PTPRN2: variants seen among roughly 807,000 people sequenced by gnomAD.
PTPRN2 encodes the protein protein tyrosine phosphatase receptor type N2.
Under a neutral mutation model 118.8 loss-of-function variants are expected in PTPRN2, and 74 were observed. The ratio of observed to expected loss-of-function variants is 0.62; its 90% CI spans 0.52 to 0.76. The LOEUF (loss-of-function observed/expected upper bound fraction) is 0.76. PTPRN2 is among the 30% of genes least tolerant of loss of function. The pLI is 0.00. For missense variants in PTPRN2, 1,481 were observed against 1,394.4 expected, an observed-to-expected ratio of 1.06 and a Z score of -0.99; for synonymous variants, 641 against 608.0, an observed-to-expected ratio of 1.05 and a Z score of -0.80.
At chr7:158,102,468 C>CT (rs1250425112) in intron 10 of PTPRN2, among the ~76,000 whole-genome samples, 3 of 152,180 alleles carry the variant, frequency 2.0e-5, no homozygotes, top group Non-Finnish European at 4.4e-5. Flanking sequence ...GGTACCCAGG[C>CT]TGCTTCTTTT....
chr7:157,725,740 C>T (rs1270473044), intron 12 of PTPRN2, among the ~76,000 whole-genome samples: 1 of 73,926 alleles, frequency 1.4e-5, no homozygotes, highest in Non-Finnish European at 2.7e-5. Flanking sequence ...ACCCTCACCT[C>T]CCAGGAGAAC....
At chr7:158,432,888 C>G (rs974501764) in intron 2 of PTPRN2, among the ~76,000 whole-genome samples, 1 of 152,208 alleles carries the variant, frequency 6.6e-6, no homozygotes, top group Non-Finnish European at 1.5e-5. Context: ...GGGGAAGAGG[C>G]CCCGCGCCCT....
At chr7:157,816,251 C>T (rs1326707185) in intron 12 of PTPRN2, among the ~76,000 whole-genome samples, 2 of 152,210 alleles carry the variant, frequency 1.3e-5, no homozygotes, top group East Asian at 1.9e-4. Flanking sequence ...GTGCCTGCCC[C>T]GCCTCCCTGG....
rs1267692979 is a variant in PTPRN2 at position 157,563,163 on chromosome 7, CACGTCACCACACACA to C, written c.2902+5724_2902+5738del. ...ACAGCAGATCAGGACCACGTGCTCCCACGTCACCACACACAGCAGATCAGGACCACGTGCTCCCAT... is the reference window on the plus strand; with the variant it reads ...ACAGCAGATCAGGACCACGTGCTCCCGCAGATCAGGACCACGTGCTCCCAT... On this transcript the variant is annotated intron_variant, in intron 21 of 22. Coordinates refer to ENST00000389418, the MANE Select transcript of PTPRN2 (RefSeq NM_002847.5). Among the ~76,000 whole-genome samples the C allele has an allele frequency of 3.2e-4, 41 of 126,766 alleles. 1 individual carries two copies. The highest frequency in any genetic ancestry group is 4.5e-4 in the Admixed American group (6 of 13,362). 83.2% of individuals were successfully genotyped at this position (126,766 alleles called of 152,430 possible).
intron 1 of PTPRN2, among the ~76,000 whole-genome samples, chr7:158,582,796 CAAAAA>C (rs1156687117): frequency 0.015 from 647 of 44,256 alleles, 3 homozygotes; most frequent in African/African-American, 0.047. Context: ...GACTCCATCT[CAAAAA>C]AAAAAAAAAA....
intron 11 of PTPRN2, among the ~76,000 whole-genome samples, chr7:158,018,941 C>G (rs1466070945): frequency 9.8e-6 from 1 of 102,522 alleles, no homozygotes; most frequent in Admixed American, 1.5e-4. Flanking sequence ...GCCTGGCAGA[C>G]AAGAGGGAGA....
At chr7:158,321,815 A>G (rs1268115440) in intron 2 of PTPRN2, among the ~76,000 whole-genome samples, 1 of 152,230 alleles carries the variant, frequency 6.6e-6, no homozygotes, top group African/African-American at 2.4e-5. Context: ...GTCAATCCTT[A>G]TACAGAAACA....
chr7:158,447,893 C>T (rs1394616851), intron 2 of PTPRN2, among the ~76,000 whole-genome samples: 1 of 152,234 alleles, frequency 6.6e-6, no homozygotes, highest in Non-Finnish European at 1.5e-5. Flanking sequence ...CACGGTCTTG[C>T]CCCACCCCGG....
At chr7:157,638,935 C>T (rs1804500446) in intron 14 of PTPRN2, among the ~76,000 whole-genome samples, 1 of 152,230 alleles carries the variant, frequency 6.6e-6, no homozygotes, top group Non-Finnish European at 1.5e-5. Flanking sequence ...ATCCCTTTGA[C>T]TGCTTACAGA....
intron 11 of PTPRN2, among the ~76,000 whole-genome samples, chr7:157,942,370 G>T (rs977934383): frequency 2.6e-5 from 4 of 152,208 alleles, no homozygotes; most frequent in South Asian, 2.1e-4. Context: ...AGGGCTGCGT[G>T]TCACCTCACT....
intron 3 of PTPRN2, among the ~76,000 whole-genome samples, chr7:158,271,989 T>C (rs1213816670): frequency 6.6e-6 from 1 of 152,226 alleles, no homozygotes; most frequent in Non-Finnish European, 1.5e-5. Flanking sequence ...TGTACTTATA[T>C]ACAAAAATGA....
intron 16 of PTPRN2, among the ~76,000 whole-genome samples, chr7:157,601,229 C>T (rs1284396478): frequency 1.3e-5 from 2 of 152,114 alleles, no homozygotes; most frequent in Non-Finnish European, 2.9e-5. Context: ...CATTATTTAC[C>T]ACTGGATGCC....
At chr7:157,921,818 T>C (rs1251058878) in intron 11 of PTPRN2, among the ~76,000 whole-genome samples, 1 of 152,224 alleles carries the variant, frequency 6.6e-6, no homozygotes, top group African/African-American at 2.4e-5. Context: ...AATTTTATTA[T>C]AGCAACAAAA....
At chr7:158,055,723 A>G (rs1418657109) in intron 11 of PTPRN2, among the ~76,000 whole-genome samples, 2 of 152,258 alleles carry the variant, frequency 1.3e-5, no homozygotes, top group East Asian at 3.9e-4. Flanking sequence ...CACGTAACCC[A>G]TGTGACCTTA....
chr7:158,276,264 TCTGGCCCCAACAGGCTGTAAGGCAG>T (rs1798969438), intron 3 of PTPRN2, among the ~76,000 whole-genome samples: 2 of 15,596 alleles, frequency 1.3e-4, no homozygotes, highest in African/African-American at 2.8e-4. Flanking sequence ...ACCCCCACAC[TCTGGCCCCAACAGGCTGTAAGGCAG>T]CACCCCCACA....
At chr7:157,848,378 T>G (rs1477303164) in intron 12 of PTPRN2, among the ~76,000 whole-genome samples, 1 of 150,794 alleles carries the variant, frequency 6.6e-6, no homozygotes. Context: ...GAGCCCTCTT[T>G]CATTACATCA....
At chr7:158,540,042 A>AGCTGGGACTG (rs1439228233) in intron 1 of PTPRN2, among the ~76,000 whole-genome samples, 2 of 152,138 alleles carry the variant, frequency 1.3e-5, no homozygotes, top group Non-Finnish European at 2.9e-5. Context: ...GTGAGCCTGG[A>AGCTGGGACTG]GCTGGGACTG....
At chr7:157,915,660 C>T (rs1177576079) in intron 11 of PTPRN2, among the ~76,000 whole-genome samples, 1 of 152,052 alleles carries the variant, frequency 6.6e-6, no homozygotes, top group Non-Finnish European at 1.5e-5. Context: ...CCTCTATAGA[C>T]CACAAGATCA....
rs1336939529 is a variant in PTPRN2, at chr7:157,619,174, C to T, written c.2344+2188G>A. Reference sequence around the variant, plus strand: ...ACAGAGCCCAGAAGGCTGCAGGGCACACGGGAGGAAAACCCCATCGGCAGG... The same window carrying T: ...ACAGAGCCCAGAAGGCTGCAGGGCATACGGGAGGAAAACCCCATCGGCAGG... On this transcript the variant is annotated intron_variant, in intron 15 of 22. Transcript: ENST00000389418. This position sits in a 1 kb window ranked among gnomAD's most constrained non-coding sequence, Gnocchi z 5.3. Among the ~76,000 whole-genome samples, 1 of 152,148 alleles carries T rather than the reference C, an allele frequency of 6.6e-6. No homozygotes were observed. The highest frequency in any genetic ancestry group is 1.9e-4 in the East Asian group (1 of 5,184).
Sources: allele counts gnomAD v4.1 joint callset (sites outside exome capture counted in the v4.1 genomes callset), GRCh38; gene constraint gnomAD v4.1.1; non-coding constraint Gnocchi (gnomAD v3.1); transcripts MANE v1.5; gene names NCBI Gene and HGNC (gene_info 2026-07-23, HGNC 2026-07-21).